The following LGMN variants were observed in gnomAD, a reference collection of about 807,000 sequenced individuals.
LGMN encodes legumain.
In LGMN, 36 loss-of-function variants were observed where a neutral mutation model predicts 56.8. That is an observed-to-expected ratio of 0.63 (90% CI 0.49 to 0.84). The LOEUF is 0.84. Among genes scored for constraint, LGMN ranks in the 40% least tolerant of loss-of-function variants. The pLI is 0.00. For missense variants in LGMN, 446 were observed against 556.1 expected, an observed-to-expected ratio of 0.80 and a Z score of 1.99; for synonymous variants, 199 against 210.1, an observed-to-expected ratio of 0.95 and a Z score of 0.46.
chr14:92,719,198 CCAA>C (rs1283074041), intron 2 of LGMN, among the ~76,000 whole-genome samples: 4 of 136,098 alleles, frequency 2.9e-5, no homozygotes, highest in African/African-American at 3.1e-5. Flanking sequence ...ACCACCGCCA[CCAA>C]CACCACCACC....
chr14:92,740,350 G>A (rs376151366), intron 1 of LGMN, among the ~76,000 whole-genome samples: 6 of 152,210 alleles, frequency 3.9e-5, no homozygotes, highest in African/African-American at 1.2e-4. Flanking sequence ...ACCACACAAC[G>A]TGCAAGACAC....
intron 1 of LGMN, among the ~76,000 whole-genome samples, chr14:92,742,163 C>T (rs890542797): frequency 6.6e-6 from 1 of 152,036 alleles, no homozygotes; most frequent in African/African-American, 2.4e-5. Flanking sequence ...CTAACCCCCC[C>T]TCACCTTGCC....
At chr14:92,744,814 G>A (rs1236615656) in intron 1 of LGMN, among the ~76,000 whole-genome samples, 1 of 152,006 alleles carries the variant, frequency 6.6e-6, no homozygotes, top group Non-Finnish European at 1.5e-5. Context: ...GGCTGGTCTT[G>A]AACTCCTGAC....
At chr14:92,720,631 C>T (rs1390820464) in intron 2 of LGMN, among the ~76,000 whole-genome samples, 4 of 152,214 alleles carry the variant, frequency 2.6e-5, no homozygotes, top group Non-Finnish European at 5.9e-5. Flanking sequence ...AGCACCATTG[C>T]ACGCCAGCCT....
intron 4 of LGMN, 80 bp from the exon 5 acceptor site, chr14:92,716,301 G>T: frequency 1.0e-6 from 1 of 981,004 alleles, no homozygotes; most frequent in Non-Finnish European, 1.6e-6. Flanking sequence ...ACCGACCCAT[G>T]CCACCAGCCT....
chr14:92,718,963 C>A (rs1180990194), intron 2 of LGMN, 119 bp from the exon 3 acceptor site: 1 of 619,110 alleles, frequency 1.6e-6, no homozygotes, highest in East Asian at 2.7e-5. Flanking sequence ...GTCGGTCAGG[C>A]ATTTAAATTA....
At chr14:92,727,738 G>A (rs984447430) in intron 2 of LGMN, among the ~76,000 whole-genome samples, 1 of 152,068 alleles carries the variant, frequency 6.6e-6, no homozygotes, top group Non-Finnish European at 1.5e-5. Context: ...ATCTACTTCT[G>A]GACCCAAACC....
In LGMN at chr14:92,714,593, G is replaced by A. The variant is rs1387737431; in HGVS notation, c.405-142C>T. 12 of 629,890 alleles carry A rather than the reference G, an allele frequency of 1.9e-5. No homozygotes were observed. The highest frequency in any genetic ancestry group is 5.5e-5 in the African/African-American group (3 of 54,404). The allele number at this position is 629,890 out of a possible 1,614,324, so 39.0% of individuals were successfully genotyped here. ...GGTTTGAAGATGAACACAAGGGCCCGGTGCCCGGTGTCTGGCCTGTCCCCT... is the reference window on the plus strand; with the variant it reads ...GGTTTGAAGATGAACACAAGGGCCCAGTGCCCGGTGTCTGGCCTGTCCCCT... On this transcript the variant is annotated intron_variant, in intron 5 of 13. Coordinates refer to ENST00000334869, the MANE Select transcript of LGMN (RefSeq NM_005606.7). The surrounding 1 kb of genome is among the most constrained non-coding windows in gnomAD (Gnocchi z 5.1).
In LGMN at chr14:92,742,285, T is replaced by A. The variant is rs147666023; in HGVS notation, c.-30+6204A>T. 4.0e-5 allele frequency among the ~76,000 whole-genome samples: 6 copies of A among 149,044 alleles called. No homozygotes were observed. The East Asian group carries it at 1.2e-3, about 29-fold the overall frequency. On this transcript the variant is annotated intron_variant, in intron 1 of 13. Transcript: ENST00000334869. ...TAAAAGAAAATGTCTTGCTGTTTTT[T>A]GTTTTGCTTTTTTTTTTTTTCTTTT...
intron 1 of LGMN, among the ~76,000 whole-genome samples, chr14:92,736,454 G>C (rs1001232993): frequency 2.6e-5 from 4 of 152,016 alleles, no homozygotes; most frequent in African/African-American, 9.7e-5. Context: ...AATTTAGCTG[G>C]GCGTGGTGGC....
chr14:92,721,477 T>G (rs1313450332), intron 2 of LGMN, among the ~76,000 whole-genome samples: 1 of 152,198 alleles, frequency 6.6e-6, no homozygotes, highest in Admixed American at 6.5e-5. Context: ...GATAATAAAT[T>G]TGTATTGTTT....
chr14:92,719,504 G>A (rs1890351487), intron 2 of LGMN, among the ~76,000 whole-genome samples: 1 of 152,036 alleles, frequency 6.6e-6, no homozygotes, highest in South Asian at 2.1e-4. Flanking sequence ...ATAGTCTCTG[G>A]AAAGCATAGA....
chr14:92,717,491 G>C, intron 3 of LGMN, 30 bp from the exon 4 acceptor site: 1 of 1,478,238 alleles, frequency 6.8e-7, no homozygotes, highest in Middle Eastern at 1.7e-4. Context: ...ATTTAAACGA[G>C]ATGTGGCATG....
Position 92,735,293 on chromosome 14 carries a change from G to A in LGMN, c.-29-2478C>T, listed in dbSNP as rs565852375. 3.0e-3 allele frequency among the ~76,000 whole-genome samples: 453 copies of A among 152,138 alleles called. 2 individuals are homozygous for A. Among genetic ancestry groups the A allele is most frequent in the Non-Finnish European group, 5.0e-3 (339 of 67,986 alleles). Reference sequence around the variant, plus strand: ...GCAATCTCAGCTCACTGCAACCTCCGCCTCCCAGGTTCAAGCGATTCTCCT... The same window carrying A: ...GCAATCTCAGCTCACTGCAACCTCCACCTCCCAGGTTCAAGCGATTCTCCT... On this transcript the variant is annotated intron_variant, in intron 1 of 13. Coordinates refer to ENST00000334869, the MANE Select transcript of LGMN (RefSeq NM_005606.7).
chr14:92,712,722 C>T (rs548194950), intron 8 of LGMN, 83 bp downstream of exon 8: 76 of 1,332,562 alleles, frequency 5.7e-5, no homozygotes, highest in East Asian at 4.6e-4. Context: ...CCCCTGCTTA[C>T]GGAGAATGCT....
intron 2 of LGMN, 60 bp from the exon 3 acceptor site, chr14:92,718,904 T>C: frequency 8.8e-7 from 1 of 1,136,690 alleles, no homozygotes; most frequent in Non-Finnish European, 1.3e-6. Context: ...TTTGGAGTTC[T>C]AAGGAGTGAT....
Position 92,713,850 on chromosome 14 carries a change from G to A in LGMN, c.516C>T (p.Tyr172=), listed in dbSNP as rs1889924324. 1 of 1,613,338 alleles carries A rather than the reference G, an allele frequency of 6.2e-7. No homozygotes were observed. Among genetic ancestry groups the A allele is most frequent in the Admixed American group, 1.7e-5 (1 of 60,004 alleles). ...TTCGGTACATTTTGTGTTTGTACAT[G>A]TAATGGATGGTCTCATTCAGGTCCT... ...HVKDLNETIH[Y]MYKHKMYRKM... is the part of the protein sequence containing the mutation. The change falls in exon 7 of 14, where the codon TAC becomes TAT. Residue 172 remains tyrosine, a synonymous_variant. Transcript: ENST00000334869.
chr14:92,711,749 C>T lies in LGMN; in HGVS notation c.730-1G>A, dbSNP rs1889789560. The T allele has an allele frequency of 5.6e-6, 9 of 1,614,052 alleles. No homozygotes were observed. Among genetic ancestry groups the T allele is most frequent in the Non-Finnish European group, 7.6e-6 (9 of 1,179,968 alleles). On this transcript the variant is annotated splice_acceptor_variant, in intron 9 of 13. Transcript: ENST00000334869. LOFTEE classifies it high-confidence loss of function. ...GCAGGGTCTCTTTAGTCAGATCTTC[C>T]TGCAAAAAGTGAGACCATTAGAGAC...
chr14:92,715,300 C>A (rs1351671811), intron 5 of LGMN, among the ~76,000 whole-genome samples: 2 of 152,040 alleles, frequency 1.3e-5, no homozygotes, highest in African/African-American at 2.4e-5. Context: ...CTCACTGCAA[C>A]CTCCACCTCC....
Sources: gnomAD v4.1 joint callset for allele counts (sites outside exome capture counted in the v4.1 genomes callset) on GRCh38, gnomAD v4.1.1 for gene constraint, Gnocchi (gnomAD v3.1) non-coding constraint, MANE v1.5 for transcripts, NCBI Gene and HGNC (gene_info 2026-07-23, HGNC 2026-07-21) for gene names.